The following CALHM5 variants were observed in gnomAD, a reference collection of about 807,000 sequenced individuals.
CALHM5 encodes calcium homeostasis modulator protein 5.
In CALHM5, 17 loss-of-function variants were observed where a neutral mutation model predicts 20.9. The ratio of observed to expected loss-of-function variants is 0.82; its 90% CI spans 0.56 to 1.22. The LOEUF is 1.22. CALHM5 is among the 50% of genes most tolerant of loss of function. CALHM5 has a pLI of 0.00. For missense variants in CALHM5, 360 were observed against 364.6 expected (o/e 0.99, Z 0.10); for synonymous variants, 148 against 140.0 (o/e 1.06, Z -0.40).
chr6:116,516,242 G>T lies in CALHM5; in HGVS notation c.*253G>T. 1 of 360,640 alleles carries T rather than the reference G, an allele frequency of 2.8e-6. No individual in the cohort carries two copies. The highest frequency in any genetic ancestry group is 5.0e-6 in the Non-Finnish European group (1 of 202,016). 22.3% of individuals were successfully genotyped at this position (360,640 alleles called of 1,614,324 possible). A position where few individuals can be genotyped will look rare whatever the true frequency, so the allele number is the denominator to read the frequency against. On this transcript the variant is annotated 3_prime_UTR_variant, in exon 2 of 2. Transcript: ENST00000368599. ...TCAGTAGGCCTAAATGTTGCTCCAA[G>T]ATCTAAGATTTTATCATTCAACAGA...
At position 116,512,250 on chromosome 6, in the gene CALHM5, A is replaced by G. The variant is rs755403545; in HGVS notation, c.540+14A>G. 8.9e-6 allele frequency: 14 copies of G among 1,579,650 alleles called. No homozygotes were observed. The South Asian group carries it at 1.5e-4, about 16-fold the overall frequency. Reference sequence around the variant, plus strand: ...GCCCAGTCTCAGGTAAGAAAAGACAAACTCGCCTTTTTCTCTCAGCATGAG... The same window carrying G: ...GCCCAGTCTCAGGTAAGAAAAGACAGACTCGCCTTTTTCTCTCAGCATGAG... On this transcript the variant is annotated intron_variant, in intron 1 of 1. Transcript: ENST00000368599.
At position 116,524,084 on chromosome 6, in the gene CALHM5, T is replaced by A. The variant is rs1478841851; in HGVS notation, c.*8095T>A. 1.3e-5 allele frequency: 2 copies of A among 152,198 alleles called. No homozygotes were observed. The highest frequency in any genetic ancestry group is 2.9e-5 in the Non-Finnish European group (2 of 68,026). The allele number at this position is 152,198 out of a possible 1,614,324, so 9.4% of individuals were successfully genotyped here. Reference sequence around the variant, plus strand: ...GTAATGGTGTGCCGATTTATGTTTTTTAAAAAGTTCTTCAGTTAGAGATGT... The same window carrying A: ...GTAATGGTGTGCCGATTTATGTTTTATAAAAAGTTCTTCAGTTAGAGATGT... On this transcript the variant is annotated 3_prime_UTR_variant, in exon 2 of 2. Coordinates refer to ENST00000368599, the MANE Select transcript of CALHM5 (RefSeq NM_153711.5).
rs1772218116 is a variant in CALHM5, at chr6:116,515,996, C to T, written c.*7C>T. 1 of 1,577,972 alleles carries T rather than the reference C, an allele frequency of 6.3e-7. No individual in the cohort carries two copies. Among genetic ancestry groups the T allele is most frequent in the Non-Finnish European group, 8.6e-7 (1 of 1,157,040 alleles). Reference sequence around the variant, plus strand: ...TACTGCCCACAATATGTAGCTCATCCACCATCAATGACTCATGGTGTTGAG... The same window carrying T: ...TACTGCCCACAATATGTAGCTCATCTACCATCAATGACTCATGGTGTTGAG... On this transcript the variant is annotated 3_prime_UTR_variant, in exon 2 of 2. Coordinates refer to ENST00000368599, the MANE Select transcript of CALHM5 (RefSeq NM_153711.5).
rs780216316 is a variant in CALHM5 at position 116,512,167 on chromosome 6, T to C, written c.471T>C (p.Ser157=). ...KECWEELHKV[S]CGKTSMLPTV... ...GCTGGGAAGAACTTCACAAAGTATC[T>C]TGTGGCAAAACTAGCATGCTACCTA... Residue 157 remains serine (S), a synonymous_variant, in exon 1 of 2, where the codon TCT becomes TCC. Coordinates refer to ENST00000368599, the MANE Select transcript of CALHM5 (RefSeq NM_153711.5). The C allele has an allele frequency of 1.2e-6, 2 of 1,612,556 alleles. No homozygotes were observed.
chr6:116,521,140 G>A lies in CALHM5; in HGVS notation c.*5151G>A, dbSNP rs940935932. Reference sequence around the variant, plus strand: ...TATATATATGCTACATATATGAAAGGGGATTTCTTGTGGGAATATATATTA... The same window carrying A: ...TATATATATGCTACATATATGAAAGAGGATTTCTTGTGGGAATATATATTA... On this transcript the variant is annotated 3_prime_UTR_variant, in exon 2 of 2. Coordinates refer to ENST00000368599, the MANE Select transcript of CALHM5 (RefSeq NM_153711.5). The A allele has an allele frequency of 6.6e-6, 1 of 151,626 alleles. No individual in the cohort carries two copies. Among genetic ancestry groups the A allele is most frequent in the African/African-American group, 2.4e-5 (1 of 41,254 alleles). 9.4% of individuals were successfully genotyped at this position (151,626 alleles called of 1,614,324 possible).
chr6:116,512,132 C>T lies in CALHM5; in HGVS notation c.436C>T (p.Pro146Ser), dbSNP rs1017506632. Residue 146 changes from proline (P) to serine (S), a missense_variant, in exon 1 of 2, where the codon CCC becomes TCC. Physicochemically the swap from Pro to Ser is moderately conservative, Grantham distance 74. Coordinates refer to ENST00000368599, the MANE Select transcript of CALHM5 (RefSeq NM_153711.5). ...GLLELICKGK[P>S]KECWEELHKV... is the part of the protein sequence containing the mutation. ...CCTGGAACTGATTTGCAAGGGTAAG[C>T]CCAAAGAGTGCTGGGAAGAACTTCA... 5 of 1,613,770 alleles carry T rather than the reference C, an allele frequency of 3.1e-6. No homozygotes were observed. The highest frequency in any genetic ancestry group is 2.7e-5 in the African/African-American group (2 of 74,902).
rs1415763616 is a variant in CALHM5 at position 116,523,737 on chromosome 6, A to G, written c.*7748A>G. Reference sequence around the variant, plus strand: ...GTTTCCTAAGAAGCTAAACCTAATCAAGTATTTAGACATTACTGCTAGTTT... The same window carrying G: ...GTTTCCTAAGAAGCTAAACCTAATCGAGTATTTAGACATTACTGCTAGTTT... On this transcript the variant is annotated 3_prime_UTR_variant, in exon 2 of 2. Coordinates refer to ENST00000368599, the MANE Select transcript of CALHM5 (RefSeq NM_153711.5). 6.6e-6 allele frequency: 1 copy of G among 152,202 alleles called. No individual in the cohort carries two copies. Among genetic ancestry groups the G allele is most frequent in the Non-Finnish European group, 1.5e-5 (1 of 68,028 alleles). 9.4% of individuals were successfully genotyped at this position (152,202 alleles called of 1,614,324 possible).
Position 116,515,889 on chromosome 6 carries a change from A to G in CALHM5, c.830A>G (p.His277Arg), listed in dbSNP as rs749929254. ...ELHSFHQSQQ[H>R]YSTLHRVVDN... The stretch of plus-strand genomic sequence containing the variant: ...CATTCTTTCCACCAAAGCCAGCAAC[A>G]CTATAGCACCCTCCACAGAGTGGTG... The change falls in exon 2 of 2, where the codon CAC becomes CGC. Residue 277 changes from histidine to arginine, a missense_variant. Coordinates refer to ENST00000368599, the MANE Select transcript of CALHM5 (RefSeq NM_153711.5). 10 of 1,613,820 alleles carry G rather than the reference A, an allele frequency of 6.2e-6. No homozygotes were observed. The highest frequency in any genetic ancestry group is 1.3e-5 in the African/African-American group (1 of 74,884).
chr6:116,516,660 A>AATATATATATATATAT lies in CALHM5; in HGVS notation c.*705_*720dup, dbSNP rs57050552. ...TCCTACATTCAAAATAGTAGTAACA[A>AATATATATATATATAT]ATATATATATATATATATATATATA... is the stretch of plus-strand genomic sequence containing the variant. On this transcript the variant is annotated 3_prime_UTR_variant, in exon 2 of 2. Coordinates refer to ENST00000368599, the MANE Select transcript of CALHM5 (RefSeq NM_153711.5). 9.6e-6 allele frequency: 1 copy of AATATATATATATATAT among 104,394 alleles called. No individual in the cohort carries two copies. The highest frequency in any genetic ancestry group is 4.2e-5 in the African/African-American group (1 of 23,706). The allele number at this position is 104,394 out of a possible 1,614,324, so 6.5% of individuals were successfully genotyped here. A position where few individuals can be genotyped will look rare whatever the true frequency, so the allele number is the denominator to read the frequency against.
In CALHM5 at chr6:116,518,154, G is replaced by A. The variant is rs1772263482; in HGVS notation, c.*2165G>A. The A allele has an allele frequency of 6.6e-6, 1 of 152,210 alleles. No homozygotes were observed. The allele number at this position is 152,210 out of a possible 1,614,324, so 9.4% of individuals were successfully genotyped here. On this transcript the variant is annotated 3_prime_UTR_variant, in exon 2 of 2. Coordinates refer to ENST00000368599, the MANE Select transcript of CALHM5 (RefSeq NM_153711.5). ...TGAGAAGGAAATCATGGGAACCTCT[G>A]CTTTGTAGCCACGTCAGATAGAAGA...
rs1479870761 is a variant in CALHM5 at position 116,518,166 on chromosome 6, C to T, written c.*2177C>T. The T allele has an allele frequency of 6.6e-6, 1 of 152,170 alleles. No homozygotes were observed. Among genetic ancestry groups the T allele is most frequent in the Non-Finnish European group, 1.5e-5 (1 of 68,058 alleles). 9.4% of individuals were successfully genotyped at this position (152,170 alleles called of 1,614,324 possible). A position where few individuals can be genotyped will look rare whatever the true frequency, so the allele number is the denominator to read the frequency against. On this transcript the variant is annotated 3_prime_UTR_variant, in exon 2 of 2. Transcript: ENST00000368599. ...CATGGGAACCTCTGCTTTGTAGCCA[C>T]GTCAGATAGAAGATGTGAGTAACTT...
At position 116,520,541 on chromosome 6, in the gene CALHM5, G is replaced by C. The variant is rs1001719054; in HGVS notation, c.*4552G>C. The C allele has an allele frequency of 1.3e-5, 2 of 152,178 alleles. No individual in the cohort carries two copies. The highest frequency in any genetic ancestry group is 2.9e-5 in the Non-Finnish European group (2 of 68,036). 9.4% of individuals were successfully genotyped at this position (152,178 alleles called of 1,614,324 possible). ...CTATCTGTGTTTGTCAGTAGCTCTC[G>C]ATGTTGGCTGCAAATTGGAATCACC... On this transcript the variant is annotated 3_prime_UTR_variant, in exon 2 of 2. Coordinates refer to ENST00000368599, the MANE Select transcript of CALHM5 (RefSeq NM_153711.5).
At chr6:116,514,005 A>G (rs919763552) in intron 1 of CALHM5, among the ~76,000 whole-genome samples, 1 of 152,162 alleles carries the variant, frequency 6.6e-6, no homozygotes, top group South Asian at 2.1e-4. Context: ...TAGAGATGAT[A>G]GATACAAATG....
At chr6:116,515,575 T>C (rs765525245) in intron 1 of CALHM5, 25 bp from the exon 2 acceptor site, 1 of 1,584,962 alleles carries the variant, frequency 6.3e-7, no homozygotes, top group Non-Finnish European at 8.6e-7. Context: ...TTCACGTGTG[T>C]ACTCAATATT....
In CALHM5 at chr6:116,523,427, GA is replaced by G. The variant is rs1309359518; in HGVS notation, c.*7442del. 2 of 152,164 alleles carry G rather than the reference GA, an allele frequency of 1.3e-5. No individual in the cohort carries two copies. Among genetic ancestry groups the G allele is most frequent in the Non-Finnish European group, 2.9e-5 (2 of 68,022 alleles). The allele number at this position is 152,164 out of a possible 1,614,324, so 9.4% of individuals were successfully genotyped here. A position where few individuals can be genotyped will look rare whatever the true frequency, so the allele number is the denominator to read the frequency against. ...CTAAGTGATTGTTGTCTGAGTACGT[GA>G]AAAGCTATTGTCTTATGCTTATTAA... On this transcript the variant is annotated 3_prime_UTR_variant, in exon 2 of 2. Transcript: ENST00000368599.
At position 116,522,292 on chromosome 6, in the gene CALHM5, T is replaced by C. The variant is rs967388965; in HGVS notation, c.*6303T>C. 2 of 152,204 alleles carry C rather than the reference T, an allele frequency of 1.3e-5. No individual in the cohort carries two copies. The highest frequency in any genetic ancestry group is 2.4e-5 in the African/African-American group (1 of 41,444). 9.4% of individuals were successfully genotyped at this position (152,204 alleles called of 1,614,324 possible). On this transcript the variant is annotated 3_prime_UTR_variant, in exon 2 of 2. Transcript: ENST00000368599. ...GTAGAGAAGTCCTTGCCATGTCCTA[T>C]CCAACTCCATGACCCCAAAAATCAT...
rs1253038234 is a variant in CALHM5, at chr6:116,518,780, C to CA, written c.*2797dup. ...CTCAAGTCCAGGGACTTTCTGCACT[C>CA]AAAAAACTTACGCTCATGACAATGA... is the stretch of plus-strand genomic sequence containing the variant. On this transcript the variant is annotated 3_prime_UTR_variant, in exon 2 of 2. Coordinates refer to ENST00000368599, the MANE Select transcript of CALHM5 (RefSeq NM_153711.5). 6.6e-6 allele frequency: 1 copy of CA among 152,140 alleles called. No homozygotes were observed. Among genetic ancestry groups the CA allele is most frequent in the African/African-American group, 2.4e-5 (1 of 41,426 alleles). The allele number at this position is 152,140 out of a possible 1,614,324, so 9.4% of individuals were successfully genotyped here.
rs1772290134 is a variant in CALHM5 at position 116,519,433 on chromosome 6, G to GGA, written c.*3446_*3447dup. 1 of 152,220 alleles carries GGA rather than the reference G, an allele frequency of 6.6e-6. No individual in the cohort carries two copies. The allele number at this position is 152,220 out of a possible 1,614,324, so 9.4% of individuals were successfully genotyped here. On this transcript the variant is annotated 3_prime_UTR_variant, in exon 2 of 2. Transcript: ENST00000368599. ...GCATTCCCCAGAAAACTCCAGGTGA[G>GGA]GAGTCTCCAGTGGCCCAAGGGTGAT...
At position 116,516,128 on chromosome 6, in the gene CALHM5, T is replaced by C. The variant is rs1034363291; in HGVS notation, c.*139T>C. ...TACAAGACAATAACACAAAGGAAAC[T>C]GCTTTGAAGCTCTCAAGTGGAACAT... On this transcript the variant is annotated 3_prime_UTR_variant, in exon 2 of 2. Coordinates refer to ENST00000368599, the MANE Select transcript of CALHM5 (RefSeq NM_153711.5). 7.7e-6 allele frequency: 9 copies of C among 1,168,288 alleles called. No homozygotes were observed. In the African/African-American group the frequency reaches 1.4e-4, roughly 18 times the overall value. 72.4% of individuals were successfully genotyped at this position (1,168,288 alleles called of 1,614,324 possible).
Sources: allele counts gnomAD v4.1 joint callset (sites outside exome capture counted in the v4.1 genomes callset), GRCh38; gene constraint gnomAD v4.1.1; transcripts MANE v1.5; gene names NCBI Gene and HGNC (gene_info 2026-07-23, HGNC 2026-07-21).